ITFG1: variants seen among roughly 807,000 people sequenced by gnomAD.
ITFG1 encodes T-cell immunomodulatory protein.
In ITFG1, 34 loss-of-function variants were observed where a neutral mutation model predicts 81.8. That is an observed-to-expected ratio of 0.42 (90% CI 0.32 to 0.55). ITFG1 has a LOEUF of 0.55. Ranked by LOEUF, ITFG1 falls within the 20% of genes least tolerant of loss-of-function variation. ITFG1 has a pLI of 0.17. For missense variants in ITFG1, 672 were observed against 755.4 expected, an observed-to-expected ratio of 0.89 and a Z score of 1.29; for synonymous variants, 285 against 270.6, an observed-to-expected ratio of 1.05 and a Z score of -0.52.
chr16:47,253,557 T>C (rs902623213), intron 12 of ITFG1, among the ~76,000 whole-genome samples: 1 of 152,136 alleles, frequency 6.6e-6, no homozygotes, highest in Non-Finnish European at 1.5e-5. Context: ...GCACCACAGA[T>C]GGGTTTTGCA....
intron 6 of ITFG1, among the ~76,000 whole-genome samples, chr16:47,384,117 T>C (rs1968430125): frequency 6.6e-6 from 1 of 152,180 alleles, no homozygotes; most frequent in South Asian, 2.1e-4. Flanking sequence ...TAAAATCAAA[T>C]TCAACTTCAA....
rs1965308435 is a variant in ITFG1, at chr16:47,192,842, T to G, written c.1453+26026A>C. On this transcript the variant is annotated intron_variant, in intron 14 of 17. Coordinates refer to ENST00000320640, the MANE Select transcript of ITFG1 (RefSeq NM_030790.5). ...GCATTTTCCCCTCAGCTTTTGACCC[T>G]GAGAACTTGATAGGTACTCTAAGGC... 2.0e-5 allele frequency among the ~76,000 whole-genome samples: 3 copies of G among 152,214 alleles called. No individual in the cohort carries two copies. In the South Asian group the frequency reaches 6.2e-4, roughly 31 times the overall value.
intron 13 of ITFG1, among the ~76,000 whole-genome samples, chr16:47,223,365 C>T (rs1417306325): frequency 6.6e-6 from 1 of 152,168 alleles, no homozygotes; most frequent in African/African-American, 2.4e-5. Context: ...CCAGAATCTA[C>T]AATGAACTCA....
At chr16:47,239,344 G>A in intron 12 of ITFG1, among the ~76,000 whole-genome samples, 1 of 152,074 alleles carries the variant, frequency 6.6e-6, no homozygotes, top group East Asian at 1.9e-4. Context: ...GGGACTACAG[G>A]TGCACGCCAC....
intron 13 of ITFG1, among the ~76,000 whole-genome samples, chr16:47,223,380 A>G (rs1476445373): frequency 6.6e-6 from 1 of 152,228 alleles, no homozygotes; most frequent in Non-Finnish European, 1.5e-5. Context: ...AACTCAAACA[A>G]ATTTACAAGA....
At chr16:47,265,385 A>G (rs1358079480) in intron 10 of ITFG1, among the ~76,000 whole-genome samples, 1 of 152,062 alleles carries the variant, frequency 6.6e-6, no homozygotes, top group East Asian at 1.9e-4. Context: ...GGCAAACAGA[A>G]AAGTCTTTTT....
intron 14 of ITFG1, among the ~76,000 whole-genome samples, chr16:47,174,675 C>T (rs1965002235): frequency 1.3e-5 from 2 of 152,162 alleles, no homozygotes; most frequent in African/African-American, 2.4e-5. Context: ...CGTACACCAC[C>T]ATGTCCGGCT....
At chr16:47,269,486 T>TAAA (rs76159288) in intron 10 of ITFG1, among the ~76,000 whole-genome samples, 10 of 101,106 alleles carry the variant, frequency 9.9e-5, no homozygotes, top group African/African-American at 3.6e-4. Flanking sequence ...CTGTCTCTAT[T>TAAA]AAAAAAAAAA....
chr16:47,179,926 G>A (rs943915155), intron 14 of ITFG1, among the ~76,000 whole-genome samples: 3 of 152,160 alleles, frequency 2.0e-5, no homozygotes, highest in African/African-American at 4.8e-5. Context: ...GTGAATAAAG[G>A]AATCCACTGA....
chr16:47,450,701 C>T (rs1407938839), intron 5 of ITFG1, among the ~76,000 whole-genome samples: 2 of 152,118 alleles, frequency 1.3e-5, no homozygotes, highest in Non-Finnish European at 2.9e-5. Context: ...GTTCTGTACT[C>T]TTGAACTAAA....
intron 10 of ITFG1, among the ~76,000 whole-genome samples, chr16:47,268,383 G>T (rs1236227136): frequency 6.6e-6 from 1 of 152,102 alleles, no homozygotes; most frequent in African/African-American, 2.4e-5. Context: ...CTCCAAAAAA[G>T]AAAACTCCAG....
At chr16:47,258,821 A>G (rs1279931096) in intron 11 of ITFG1, 81 bp from the exon 12 acceptor site, 2 of 580,494 alleles carry the variant, frequency 3.4e-6, no homozygotes, top group Non-Finnish European at 5.8e-6. Context: ...TGCATGGCAT[A>G]TTGTTTATAA....
intron 8 of ITFG1, among the ~76,000 whole-genome samples, chr16:47,349,917 T>C (rs541151295): frequency 3.3e-4 from 50 of 152,228 alleles, no homozygotes; most frequent in South Asian, 1.5e-3. Context: ...CACTCAAAAC[T>C]GGTCAACTAC....
intron 6 of ITFG1, among the ~76,000 whole-genome samples, chr16:47,377,331 C>T (rs190857273): frequency 1.1e-4 from 16 of 152,216 alleles, no homozygotes; most frequent in Admixed American, 1.0e-3. Flanking sequence ...CCTCTATGAA[C>T]GTCATTTGTT....
chr16:47,197,076 G>T (rs940781288), intron 14 of ITFG1, among the ~76,000 whole-genome samples: 1 of 152,172 alleles, frequency 6.6e-6, no homozygotes, highest in African/African-American at 2.4e-5. Context: ...GGAAATAAAA[G>T]TACTTAACTC....
intron 13 of ITFG1, among the ~76,000 whole-genome samples, chr16:47,237,009 C>T (rs1030148149): frequency 6.6e-6 from 1 of 152,214 alleles, no homozygotes; most frequent in Non-Finnish European, 1.5e-5. Flanking sequence ...TCAAAAGCCG[C>T]GCCCCTCTGG....
chr16:47,438,083 T>C (rs1170063292), intron 5 of ITFG1, among the ~76,000 whole-genome samples: 1 of 152,164 alleles, frequency 6.6e-6, no homozygotes, highest in African/African-American at 2.4e-5. Flanking sequence ...CCTCACTCAC[T>C]GCTAGCACAG....
chr16:47,366,932 T>C (rs1477215241), intron 7 of ITFG1, among the ~76,000 whole-genome samples: 1 of 152,172 alleles, frequency 6.6e-6, no homozygotes, highest in East Asian at 1.9e-4. Context: ...CAATCATTTC[T>C]GCAGTGGATA....
At chr16:47,240,806 A>G (rs1965924303) in intron 12 of ITFG1, among the ~76,000 whole-genome samples, 1 of 152,226 alleles carries the variant, frequency 6.6e-6, no homozygotes, top group Non-Finnish European at 1.5e-5. Context: ...TTATTGTATA[A>G]TTTCATTTAA....
Sources: gnomAD v4.1 joint callset for allele counts (sites outside exome capture counted in the v4.1 genomes callset) on GRCh38, gnomAD v4.1.1 for gene constraint, MANE v1.5 for transcripts, NCBI Gene and HGNC (gene_info 2026-07-23, HGNC 2026-07-21) for gene names.